TESK2: variants seen among roughly 807,000 people sequenced by gnomAD.
TESK2 encodes testis associated actin remodelling kinase 2.
Under a neutral mutation model 57.1 loss-of-function variants are expected in TESK2, and 39 were observed. That is an observed-to-expected ratio of 0.68 (90% confidence interval 0.53 to 0.89). TESK2 has a LOEUF of 0.89. Ranked by LOEUF, TESK2 falls within the 40% of genes least tolerant of loss-of-function variation. The pLI is 0.00. For missense variants in TESK2, 646 were observed against 732.1 expected (o/e 0.88, Z 1.36); for synonymous variants, 249 against 267.9 (o/e 0.93, Z 0.69).
At chr1:45,462,964 T>C (rs1204795906) in intron 1 of TESK2, among the ~76,000 whole-genome samples, 1 of 152,262 alleles carries the variant, frequency 6.6e-6, no homozygotes, top group Non-Finnish European at 1.5e-5. Flanking sequence ...GTAGTTTTGA[T>C]GTGCATTTCT....
chr1:45,408,339 T>C (rs1649924197), intron 3 of TESK2, among the ~76,000 whole-genome samples: 1 of 152,198 alleles, frequency 6.6e-6, no homozygotes, highest in Non-Finnish European at 1.5e-5. Flanking sequence ...TGGGATTTTT[T>C]TTTAAATTTT....
chr1:45,445,786 C>A (rs554711571), intron 2 of TESK2, among the ~76,000 whole-genome samples: 1 of 152,080 alleles, frequency 6.6e-6, no homozygotes, highest in Non-Finnish European at 1.5e-5. Flanking sequence ...CAGAGCAAGA[C>A]CCTGTCTCCA....
intron 2 of TESK2, among the ~76,000 whole-genome samples, chr1:45,438,219 G>A (rs973014943): frequency 6.6e-6 from 1 of 152,170 alleles, no homozygotes; most frequent in African/African-American, 2.4e-5. Flanking sequence ...GCACTGGCTG[G>A]GCACGGTGGC....
intron 5 of TESK2, among the ~76,000 whole-genome samples, chr1:45,348,406 C>G (rs1238825917): frequency 6.6e-6 from 1 of 152,236 alleles, no homozygotes; most frequent in Non-Finnish European, 1.5e-5. Context: ...ACCCAAAGCC[C>G]AGGCCTGACC....
chr1:45,400,736 G>A (rs1649561648), intron 3 of TESK2, among the ~76,000 whole-genome samples: 1 of 151,902 alleles, frequency 6.6e-6, no homozygotes, highest in African/African-American at 2.4e-5. Context: ...AGAAGTGAAC[G>A]AAGAGCCAGG....
chr1:45,486,694 A>C (rs28532613), intron 1 of TESK2, among the ~76,000 whole-genome samples: 1,610 of 150,110 alleles, frequency 0.011, 21 homozygotes, highest in African/African-American at 0.034. Flanking sequence ...ATTAAAAAAA[A>C]AAACAAACGC....
At chr1:45,408,073 A>G (rs536530872) in intron 3 of TESK2, among the ~76,000 whole-genome samples, 10 of 151,732 alleles carry the variant, frequency 6.6e-5, no homozygotes, top group Non-Finnish European at 1.3e-4. Flanking sequence ...CTTTATACCC[A>G]CTTCTTTCTA....
chr1:45,449,181 C>T (rs781007409), intron 2 of TESK2, among the ~76,000 whole-genome samples: 2 of 148,322 alleles, frequency 1.3e-5, no homozygotes, highest in South Asian at 2.1e-4. Context: ...AAGATCACAC[C>T]ACTGCACCCG....
chr1:45,354,845 T>C (rs1647355729), intron 5 of TESK2, among the ~76,000 whole-genome samples: 1 of 114,442 alleles, frequency 8.7e-6, no homozygotes, highest in South Asian at 2.9e-4. Context: ...TATATATATA[T>C]ATATGTTGGC....
At chr1:45,433,660 C>T (rs1400093299) in intron 2 of TESK2, among the ~76,000 whole-genome samples, 1 of 151,752 alleles carries the variant, frequency 6.6e-6, no homozygotes, top group African/African-American at 2.4e-5. Context: ...TTATATATAC[C>T]ACATTTTCTT....
chr1:45,398,419 C>T (rs1435092038), intron 3 of TESK2, among the ~76,000 whole-genome samples: 3 of 151,980 alleles, frequency 2.0e-5, no homozygotes, highest in Admixed American at 6.6e-5. Context: ...GTGGCGTGCA[C>T]CTGTAGTCCC....
chr1:45,367,914 C>T (rs1438395668), intron 4 of TESK2, among the ~76,000 whole-genome samples: 2 of 151,808 alleles, frequency 1.3e-5, no homozygotes, highest in African/African-American at 4.8e-5. Context: ...CCACCTCAGC[C>T]TCTCAAAGTG....
chr1:45,417,781 C>T (rs1393262541), intron 3 of TESK2, among the ~76,000 whole-genome samples: 3 of 151,896 alleles, frequency 2.0e-5, no homozygotes, highest in East Asian at 1.9e-4. Context: ...TTAGTAGAGA[C>T]GGGGTTTCAC....
intron 4 of TESK2, among the ~76,000 whole-genome samples, chr1:45,374,724 C>A (rs1195074596): frequency 6.6e-6 from 1 of 152,156 alleles, no homozygotes; most frequent in Non-Finnish European, 1.5e-5. Flanking sequence ...GACACCAGTA[C>A]TCTATGAAGA....
chr1:45,381,287 G>A (rs905462204), intron 4 of TESK2, among the ~76,000 whole-genome samples: 9 of 152,178 alleles, frequency 5.9e-5, no homozygotes, highest in African/African-American at 1.9e-4. Flanking sequence ...CCAATTCTTC[G>A]CCTTCTACTG....
chr1:45,363,319 C>T (rs1557543892), intron 4 of TESK2, among the ~76,000 whole-genome samples: 4 of 152,182 alleles, frequency 2.6e-5, no homozygotes, highest in African/African-American at 2.4e-5. Flanking sequence ...TTCTTGCCCC[C>T]TTTTGCATCT....
At chr1:45,483,432 C>G (rs530113283) in intron 1 of TESK2, among the ~76,000 whole-genome samples, 2 of 151,796 alleles carry the variant, frequency 1.3e-5, no homozygotes, top group Non-Finnish European at 2.9e-5. Context: ...CCTGTCTCTA[C>G]TAAAAATACA....
chr1:45,361,098 G>C (rs867662274), intron 4 of TESK2, among the ~76,000 whole-genome samples: 1 of 152,162 alleles, frequency 6.6e-6, no homozygotes, highest in Non-Finnish European at 1.5e-5. Flanking sequence ...GATTACAGGC[G>C]TGAGCTACCG....
intron 5 of TESK2, among the ~76,000 whole-genome samples, chr1:45,350,569 A>G (rs550762771): frequency 3.3e-5 from 5 of 152,370 alleles, no homozygotes; most frequent in Admixed American, 2.0e-4. Flanking sequence ...TTCATAGCAC[A>G]GGGAGATCAG....
Sources: gnomAD v4.1 joint callset for allele counts (sites outside exome capture counted in the v4.1 genomes callset) on GRCh38, gnomAD v4.1.1 for gene constraint, MANE v1.5 for transcripts, NCBI Gene and HGNC (gene_info 2026-07-23, HGNC 2026-07-21) for gene names.